Variants in TSPAN18 observed in about 807,000 individuals in gnomAD.
TSPAN18 encodes the protein tetraspanin 18.
A neutral mutation model predicts 27.3 loss-of-function variants in TSPAN18; 14 were observed. The ratio of observed to expected loss-of-function variants is 0.51; its 90% CI spans 0.34 to 0.80. The LOEUF (loss-of-function observed/expected upper bound fraction) is 0.80, where lower values mean the gene tolerates loss of function less well. Among genes scored for constraint, TSPAN18 ranks in the 30% least tolerant of loss-of-function variants. TSPAN18 has a pLI of 0.01. For synonymous variants in TSPAN18, 143 were observed against 136.5 expected (o/e 1.05, Z -0.33); for missense variants, 268 against 323.9 (o/e 0.83, Z 1.32).
At chr11:44,766,733 T>C (rs555978508) in intron 2 of TSPAN18, among the ~76,000 whole-genome samples, 1 of 152,202 alleles carries the variant, frequency 6.6e-6, no homozygotes, top group Admixed American at 6.5e-5. Flanking sequence ...ACAGGGAAAA[T>C]ATAAAGATGA....
chr11:44,818,486 G>T (rs1856858429), intron 2 of TSPAN18, among the ~76,000 whole-genome samples: 1 of 152,166 alleles, frequency 6.6e-6, no homozygotes, highest in Non-Finnish European at 1.5e-5. Flanking sequence ...TCTGTTTCCA[G>T]CTGATCAGGG....
intron 3 of TSPAN18, among the ~76,000 whole-genome samples, chr11:44,868,459 G>A (rs11602990): frequency 0.18 from 26,846 of 152,086 alleles, 3,155 homozygotes; most frequent in Non-Finnish European, 0.27. Flanking sequence ...TATGGGTGTG[G>A]AGGGCACCTG....
In TSPAN18 at chr11:44,871,699, G is replaced by A. The variant is rs994767895; in HGVS notation, c.-11+11230G>A. Among the ~76,000 whole-genome samples, 5 of 152,214 alleles carry A rather than the reference G, an allele frequency of 3.3e-5. No individual in the cohort carries two copies. The East Asian group carries it at 9.6e-4, about 29-fold the overall frequency. Reference sequence around the variant, plus strand: ...GGCAGGCGGGTCCCAGAAGCAGCTTGAAAGTCTTGGCCAAAATGTGCCCTG... The same window carrying A: ...GGCAGGCGGGTCCCAGAAGCAGCTTAAAAGTCTTGGCCAAAATGTGCCCTG... On this transcript the variant is annotated intron_variant, in intron 3 of 9. Transcript: ENST00000520358.
chr11:44,912,083 G>GTGATC (rs1859741895), intron 5 of TSPAN18, among the ~76,000 whole-genome samples: 1 of 151,418 alleles, frequency 6.6e-6, no homozygotes, highest in South Asian at 2.1e-4. Flanking sequence ...GTGCAGCAGT[G>GTGATC]TGATCTCAGC....
intron 1 of TSPAN18, among the ~76,000 whole-genome samples, chr11:44,750,768 T>C (rs1293840766): frequency 6.6e-6 from 1 of 152,122 alleles, no homozygotes; most frequent in Non-Finnish European, 1.5e-5. Context: ...CCAGCTAGGA[T>C]GAGGAGCAGC....
intron 8 of TSPAN18, among the ~76,000 whole-genome samples, chr11:44,921,328 C>T (rs2135371244): frequency 6.6e-6 from 1 of 152,212 alleles, no homozygotes; most frequent in African/African-American, 2.4e-5. Context: ...GCCAAGACAC[C>T]CTCGCTGGAC....
intron 2 of TSPAN18, among the ~76,000 whole-genome samples, chr11:44,803,541 C>T (rs4237650): frequency 0.42 from 63,306 of 151,950 alleles, 14,751 homozygotes; most frequent in Non-Finnish European, 0.52. Context: ...GGAGATATGG[C>T]TCTGAGAGAG....
chr11:44,894,851 C>T (rs559835969), intron 3 of TSPAN18, among the ~76,000 whole-genome samples: 3 of 152,296 alleles, frequency 2.0e-5, no homozygotes, highest in South Asian at 2.1e-4. Flanking sequence ...GACTGGGGCA[C>T]GGCGCTTCCT....
At chr11:44,893,152 G>C (rs114362210) in intron 3 of TSPAN18, among the ~76,000 whole-genome samples, 2 of 152,222 alleles carry the variant, frequency 1.3e-5, no homozygotes, top group East Asian at 3.9e-4. Context: ...TTCTACATGG[G>C]ACAGAGGAAA....
At position 44,929,254 on chromosome 11, in the gene TSPAN18, C is replaced by A; in HGVS notation, c.*76C>A. The A allele has an allele frequency of 6.3e-7, 1 of 1,583,554 alleles. No homozygotes were observed. Among genetic ancestry groups the A allele is most frequent in the Non-Finnish European group, 8.6e-7 (1 of 1,156,492 alleles). Reference sequence around the variant, plus strand: ...CCCAGTGTCCTCCCGTGCCCCTCCCCGCTGTCCTCTTGGCCCCAGGGGAGA... The same window carrying A: ...CCCAGTGTCCTCCCGTGCCCCTCCCAGCTGTCCTCTTGGCCCCAGGGGAGA... On this transcript the variant is annotated 3_prime_UTR_variant, in exon 10 of 10. Coordinates refer to ENST00000520358, the MANE Select transcript of TSPAN18 (RefSeq NM_130783.5).
In TSPAN18 at chr11:44,929,387, C is replaced by T. The variant is rs704670; in HGVS notation, c.*209C>T. On this transcript the variant is annotated 3_prime_UTR_variant, in exon 10 of 10. Coordinates refer to ENST00000520358, the MANE Select transcript of TSPAN18 (RefSeq NM_130783.5). ...ATGGACTGATGTATCCTCGCCTGGA[C>T]TCAGGGCAGGTGCCGTGGGTTCTCC... The T allele has an allele frequency of 3.1e-3, 2,014 of 639,534 alleles. 23 individuals are homozygous for T. In the African/African-American group the frequency reaches 0.032, roughly 10 times the overall value. The allele number at this position is 639,534 out of a possible 1,614,324, so 39.6% of individuals were successfully genotyped here. A position where few individuals can be genotyped will look rare whatever the true frequency, so the allele number is the denominator to read the frequency against.
At position 44,871,436 on chromosome 11, in the gene TSPAN18, G is replaced by A. The variant is rs1858192780; in HGVS notation, c.-11+10967G>A. On this transcript the variant is annotated intron_variant, in intron 3 of 9. Transcript: ENST00000520358. The stretch of plus-strand genomic sequence containing the variant: ...CCAAATACCATCACATTGGGGATGA[G>A]GGTTTCAATATATGAATTTGGGGGG... Among the ~76,000 whole-genome samples, 4 of 152,148 alleles carry A rather than the reference G, an allele frequency of 2.6e-5. No individual in the cohort carries two copies. In the South Asian group the frequency reaches 8.3e-4, roughly 31 times the overall value.
intron 2 of TSPAN18, among the ~76,000 whole-genome samples, chr11:44,808,902 A>T (rs11822317): frequency 0.061 from 9,296 of 152,216 alleles, 957 homozygotes; most frequent in African/African-American, 0.21. Context: ...TGCGGTTCTC[A>T]GGTGTCATCC....
At chr11:44,891,794 C>T (rs571998255) in intron 3 of TSPAN18, among the ~76,000 whole-genome samples, 24 of 152,306 alleles carry the variant, frequency 1.6e-4, no homozygotes, top group Admixed American at 4.6e-4. Flanking sequence ...TCCCCCAGAC[C>T]TCAGGTCTAG....
chr11:44,901,870 T>C (rs925042468), intron 3 of TSPAN18, among the ~76,000 whole-genome samples: 4 of 152,190 alleles, frequency 2.6e-5, no homozygotes, highest in Non-Finnish European at 5.9e-5. Flanking sequence ...TCCTCTTCTG[T>C]AAAATGGGCA....
chr11:44,791,427 G>A (rs1305019920), intron 2 of TSPAN18, among the ~76,000 whole-genome samples: 1 of 152,236 alleles, frequency 6.6e-6, no homozygotes, highest in Non-Finnish European at 1.5e-5. Flanking sequence ...GTCCCCTGAA[G>A]AGGCTGGAGA....
At chr11:44,769,809 T>C (rs905446660) in intron 2 of TSPAN18, among the ~76,000 whole-genome samples, 4 of 152,248 alleles carry the variant, frequency 2.6e-5, no homozygotes, top group African/African-American at 7.2e-5. Flanking sequence ...TTTCTGGTTT[T>C]TCTTAGTTAA....
chr11:44,806,447 G>A (rs189067348), intron 2 of TSPAN18, among the ~76,000 whole-genome samples: 12 of 152,276 alleles, frequency 7.9e-5, no homozygotes, highest in East Asian at 7.7e-4. Flanking sequence ...AGATAAGGAC[G>A]ACACTGTTCC....
chr11:44,832,169 C>G (rs1031790387), intron 2 of TSPAN18, among the ~76,000 whole-genome samples: 1 of 152,104 alleles, frequency 6.6e-6, no homozygotes, highest in Non-Finnish European at 1.5e-5. Flanking sequence ...TCAGAGGAGG[C>G]GACATCGCTC....
Sources: allele counts gnomAD v4.1 joint callset (sites outside exome capture counted in the v4.1 genomes callset), GRCh38; gene constraint gnomAD v4.1.1; transcripts MANE v1.5; gene names NCBI Gene and HGNC (gene_info 2026-07-23, HGNC 2026-07-21).